The following CCSER2 variants were observed in gnomAD, a reference collection of about 807,000 sequenced individuals.
The protein encoded by CCSER2 is coiled-coil serine rich protein 2.
CCSER2 carries 46 observed loss-of-function variants against 92.3 expected under a neutral mutation model. The observed-to-expected ratio is 0.50, with a 90% confidence interval of 0.39 to 0.64. CCSER2 has a LOEUF of 0.64. Ranked by LOEUF, CCSER2 falls within the 30% of genes least tolerant of loss-of-function variation. The pLI is 0.00. For synonymous variants in CCSER2, 433 were observed against 431.4 expected, an observed-to-expected ratio of 1.00 and a Z score of -0.04; for missense variants, 1,244 against 1,238.9, an observed-to-expected ratio of 1.00 and a Z score of -0.06.
At chr10:84,507,039 G>A (rs1849093911) in intron 9 of CCSER2, among the ~76,000 whole-genome samples, 1 of 152,130 alleles carries the variant, frequency 6.6e-6, no homozygotes, top group African/African-American at 2.4e-5. Flanking sequence ...TTTTACACAT[G>A]CCTTTCTGAG....
chr10:84,338,238 C>T (rs996939861), intron 1 of CCSER2, among the ~76,000 whole-genome samples: 1 of 150,486 alleles, frequency 6.6e-6, no homozygotes, highest in Non-Finnish European at 1.5e-5. Context: ...GAGCCGAGAT[C>T]ACGTCATTGC....
chr10:84,343,315 T>C (rs552213806), intron 1 of CCSER2, among the ~76,000 whole-genome samples: 1 of 152,360 alleles, frequency 6.6e-6, no homozygotes, highest in African/African-American at 2.4e-5. Flanking sequence ...ACTTCTCTTA[T>C]CTCTCATTTT....
chr10:84,464,473 A>G (rs1846278569), intron 7 of CCSER2, among the ~76,000 whole-genome samples: 1 of 152,096 alleles, frequency 6.6e-6, no homozygotes, highest in Non-Finnish European at 1.5e-5. Flanking sequence ...TTTTTAGTTG[A>G]AGAAAACTCT....
intron 3 of CCSER2, among the ~76,000 whole-genome samples, chr10:84,376,774 T>A (rs1846360762): frequency 6.6e-6 from 1 of 152,104 alleles, no homozygotes. Context: ...TGTTTCAAAG[T>A]GATTGTGCCT....
chr10:84,500,034 C>T (rs2131836692), intron 9 of CCSER2: 1 of 1,603,644 alleles, frequency 6.2e-7, no homozygotes, highest in East Asian at 2.2e-5. Flanking sequence ...TGACCTGTTC[C>T]TCCCCAGCAC....
chr10:84,337,535 T>C (rs1346041702), intron 1 of CCSER2, among the ~76,000 whole-genome samples: 1 of 152,226 alleles, frequency 6.6e-6, no homozygotes, highest in Non-Finnish European at 1.5e-5. Flanking sequence ...AAAGGAATTG[T>C]AGACTGCTGG....
At chr10:84,482,073 T>C (rs746314979) in intron 9 of CCSER2, among the ~76,000 whole-genome samples, 73 of 152,186 alleles carry the variant, frequency 4.8e-4, no homozygotes, top group Middle Eastern at 3.4e-3. Context: ...TACATGGATA[T>C]GGAAAGCTAC....
chr10:84,489,061 A>G (rs1777120), intron 9 of CCSER2, among the ~76,000 whole-genome samples: 1 of 152,052 alleles, frequency 6.6e-6, no homozygotes, highest in Non-Finnish European at 1.5e-5. Flanking sequence ...GAGTGACTTT[A>G]TTAATCCTGA....
chr10:84,330,123 T>C (rs752593081), intron 1 of CCSER2, among the ~76,000 whole-genome samples: 9 of 152,246 alleles, frequency 5.9e-5, no homozygotes, highest in Non-Finnish European at 1.0e-4. Context: ...CTCCTTTGAC[T>C]ATTTTGGAGG....
chr10:84,488,095 T>C (rs924820075), intron 9 of CCSER2, among the ~76,000 whole-genome samples: 4 of 152,224 alleles, frequency 2.6e-5, no homozygotes, highest in African/African-American at 9.7e-5. Context: ...GAAGCCCACT[T>C]GATCATGGTG....
At chr10:84,338,010 G>C (rs544486224) in intron 1 of CCSER2, among the ~76,000 whole-genome samples, 1 of 152,240 alleles carries the variant, frequency 6.6e-6, no homozygotes, top group South Asian at 2.1e-4. Flanking sequence ...GGCTGGGCAC[G>C]GTGGCTCAGC....
chr10:84,399,585 T>C (rs1842010428), intron 3 of CCSER2, among the ~76,000 whole-genome samples: 1 of 152,202 alleles, frequency 6.6e-6, no homozygotes, highest in African/African-American at 2.4e-5. Flanking sequence ...TTAAATAAGA[T>C]AATGGCATTT....
At chr10:84,366,492 A>G (rs1744030125) in intron 1 of CCSER2, among the ~76,000 whole-genome samples, 1 of 152,194 alleles carries the variant, frequency 6.6e-6, no homozygotes. Flanking sequence ...CATGCACACA[A>G]TTAGAAGACA....
intron 1 of CCSER2, among the ~76,000 whole-genome samples, chr10:84,365,691 T>C (rs74452124): frequency 0.024 from 3,634 of 152,284 alleles, 136 homozygotes; most frequent in African/African-American, 0.082. Flanking sequence ...TTATTAATAC[T>C]GAAGATGCTC....
intron 9 of CCSER2, among the ~76,000 whole-genome samples, chr10:84,512,265 A>C (rs7907517): frequency 0.026 from 3,937 of 152,284 alleles, 158 homozygotes; most frequent in African/African-American, 0.088. Flanking sequence ...TTTGTGGATT[A>C]GCATAGCAAA....
At chr10:84,470,585 T>G in intron 8 of CCSER2, 127 bp downstream of exon 8, 2 of 691,662 alleles carry the variant, frequency 2.9e-6, no homozygotes, top group Non-Finnish European at 4.1e-6. Flanking sequence ...TTATATTATT[T>G]TTAGATTATA....
intron 1 of CCSER2, among the ~76,000 whole-genome samples, chr10:84,370,548 A>G (rs1846007433): frequency 6.6e-6 from 1 of 152,126 alleles, no homozygotes; most frequent in Non-Finnish European, 1.5e-5. Context: ...ATATATAATC[A>G]TATCATTGGC....
In CCSER2 at chr10:84,516,682, T is replaced by G. The variant is rs1182236812; in HGVS notation, c.*2415T>G. ...CTTTATTGTCCATTACATAAAAATGTTGACTCCAGTAATTTATTTTTCTCT... is the reference window on the plus strand; with the variant it reads ...CTTTATTGTCCATTACATAAAAATGGTGACTCCAGTAATTTATTTTTCTCT... On this transcript the variant is annotated 3_prime_UTR_variant, in exon 10 of 10. Transcript: ENST00000372088. 5.3e-5 allele frequency: 8 copies of G among 152,228 alleles called. No homozygotes were observed. The highest frequency in any genetic ancestry group is 1.9e-4 in the African/African-American group (8 of 41,462). The allele number at this position is 152,228 out of a possible 1,614,324, so 9.4% of individuals were successfully genotyped here.
intron 3 of CCSER2, among the ~76,000 whole-genome samples, chr10:84,399,430 T>C (rs1309091749): frequency 6.6e-6 from 1 of 152,202 alleles, no homozygotes; most frequent in South Asian, 2.1e-4. Context: ...AGAAACAGTT[T>C]ACCTGAAATC....
Sources: allele counts gnomAD v4.1 joint callset (sites outside exome capture counted in the v4.1 genomes callset), GRCh38; gene constraint gnomAD v4.1.1; transcripts MANE v1.5; gene names NCBI Gene and HGNC (gene_info 2026-07-23, HGNC 2026-07-21).